Variants in STK32B observed in about 807,000 individuals in gnomAD.
The protein encoded by STK32B is serine/threonine kinase 32B.
In STK32B, 43 loss-of-function variants were observed where a neutral mutation model predicts 52.6. The ratio of observed to expected loss-of-function variants is 0.82; its 90% CI spans 0.64 to 1.05. The LOEUF (loss-of-function observed/expected upper bound fraction) is 1.05, where lower values mean the gene tolerates loss of function less well. Ranked by LOEUF, STK32B falls within the 50% of genes least tolerant of loss-of-function variation. The pLI, the probability that STK32B is intolerant of heterozygous loss-of-function variation, is 0.00. For missense variants in STK32B, 621 were observed against 534.6 expected, an observed-to-expected ratio of 1.16 and a Z score of -1.59; for synonymous variants, 238 against 204.3, an observed-to-expected ratio of 1.17 and a Z score of -1.41.
At chr4:5,260,875 G>A (rs56010417) in intron 3 of STK32B, among the ~76,000 whole-genome samples, 7,914 of 152,180 alleles carry the variant, frequency 0.052, 285 homozygotes, top group African/African-American at 0.11. Context: ...GGGAGTAGCT[G>A]GCCTTGGTGC....
intron 3 of STK32B, among the ~76,000 whole-genome samples, chr4:5,175,456 G>A (rs191721397): frequency 2.0e-5 from 3 of 152,276 alleles, no homozygotes; most frequent in Admixed American, 6.5e-5. Flanking sequence ...GGTCTTTGAC[G>A]ATGGTGATGT....
At chr4:5,322,243 T>G (rs1405009161) in intron 3 of STK32B, among the ~76,000 whole-genome samples, 1 of 152,174 alleles carries the variant, frequency 6.6e-6, no homozygotes, top group Non-Finnish European at 1.5e-5. Flanking sequence ...CTTGATAAGC[T>G]CTTTTTTCCT....
chr4:5,170,577 G>A (rs563786365), intron 3 of STK32B, among the ~76,000 whole-genome samples: 7 of 151,920 alleles, frequency 4.6e-5, no homozygotes, highest in South Asian at 2.1e-4. Context: ...TCTTGTCCTC[G>A]TGATAGTTTG....
the STK32B span, among the ~76,000 whole-genome samples, chr4:5,019,955 C>T: frequency 2.0e-5 from 3 of 152,154 alleles, no homozygotes; most frequent in South Asian, 2.1e-4. Flanking sequence ...TGCAGAGCTG[C>T]GGTCAGGCCA....
rs980593794 is a variant in STK32B at position 5,396,112 on chromosome 4, A to C, written c.435-2095A>C. ...GGGACTGCCACAGCAAATTACTGCA[A>C]AATCGGTGGCTTAAAACAATACAAA... is the stretch of plus-strand genomic sequence containing the variant. On this transcript the variant is annotated intron_variant, in intron 4 of 11. Transcript: ENST00000282908. The surrounding 1 kb of genome is among the most constrained non-coding windows in gnomAD (Gnocchi z 4.7). Among the ~76,000 whole-genome samples, 1 of 152,238 alleles carries C rather than the reference A, an allele frequency of 6.6e-6. No homozygotes were observed. The highest frequency in any genetic ancestry group is 2.4e-5 in the African/African-American group (1 of 41,460).
rs370329416 is a variant in STK32B, at chr4:5,244,628, G to A, written c.260+76178G>A. On this transcript the variant is annotated intron_variant, in intron 3 of 11. Transcript: ENST00000282908. ...TCTTGCCTTCTGCTAGCTTTTGAAT[G>A]TGTTTGCTCTTGCTTCTCTAGTTCT... Among the ~76,000 whole-genome samples the A allele has an allele frequency of 3.8e-4, 58 of 152,220 alleles. 1 individual carries two copies. In the East Asian group the frequency reaches 6.9e-3, roughly 18 times the overall value.
In STK32B at chr4:5,453,654, A is replaced by G. The variant is rs921699953; in HGVS notation, c.667-3153A>G. The stretch of plus-strand genomic sequence containing the variant: ...TGCAGTGGCTTACGTCTGTAATCCC[A>G]GCACTCTGGGAGGCTGAGACGGGCA... On this transcript the variant is annotated intron_variant, in intron 7 of 11. Transcript: ENST00000282908. The surrounding 1 kb of genome is among the most constrained non-coding windows in gnomAD (Gnocchi z 4.0). 6.6e-6 allele frequency among the ~76,000 whole-genome samples: 1 copy of G among 152,222 alleles called. No individual in the cohort carries two copies. Among genetic ancestry groups the G allele is most frequent in the Non-Finnish European group, 1.5e-5 (1 of 68,038 alleles).
chr4:5,071,076 G>A (rs1711741178), intron 1 of STK32B, among the ~76,000 whole-genome samples: 1 of 152,156 alleles, frequency 6.6e-6, no homozygotes, highest in Non-Finnish European at 1.5e-5. Context: ...AATGCTGTAT[G>A]CACAGGTTGC....
intron 3 of STK32B, among the ~76,000 whole-genome samples, chr4:5,256,526 T>A (rs1002865712): frequency 6.6e-6 from 1 of 152,212 alleles, no homozygotes; most frequent in Admixed American, 6.5e-5. Context: ...AAATGAGCTA[T>A]ATCCATCAGT....
chr4:5,431,467 T>G (rs1006899966), intron 6 of STK32B, among the ~76,000 whole-genome samples: 3 of 152,096 alleles, frequency 2.0e-5, no homozygotes, highest in African/African-American at 7.2e-5. Context: ...AATTCTGTGC[T>G]TCCAGTTAGA....
Position 5,498,990 on chromosome 4 carries a change from C to G in STK32B, c.1152C>G (p.Asp384Glu). The change falls in exon 12 of 12, where the codon GAC becomes GAG. Residue 384 changes from aspartate (D) to glutamate (E), a missense_variant. Transcript: ENST00000282908. ...QGQGSQLLDT[D>E]SRGGGQAQSK... is the part of the protein sequence containing the mutation. Reference sequence around the variant, plus strand: ...AGGGCAGCCAGCTCTTGGACACCGACAGCCGAGGGGGAGGCCAGGCCCAAA... The same window carrying G: ...AGGGCAGCCAGCTCTTGGACACCGAGAGCCGAGGGGGAGGCCAGGCCCAAA... 6.2e-7 allele frequency: 1 copy of G among 1,613,840 alleles called. No individual in the cohort carries two copies. Among genetic ancestry groups the G allele is most frequent in the South Asian group, 1.1e-5 (1 of 91,030 alleles).
chr4:5,289,685 ATTTTTTTTT>A (rs56211807), intron 3 of STK32B, among the ~76,000 whole-genome samples: 14,683 of 86,938 alleles, frequency 0.17, 2,058 homozygotes, highest in African/African-American at 0.47. Context: ...TGCCCGGCTA[ATTTTTTTTT>A]TTTTTTTTTT....
chr4:5,387,113 A>G (rs905311437), intron 4 of STK32B, among the ~76,000 whole-genome samples: 5 of 152,196 alleles, frequency 3.3e-5, no homozygotes, highest in Non-Finnish European at 1.5e-5. Context: ...GGGGGTCACA[A>G]TTAACTATGA....
chr4:5,112,995 A>G (rs1714488238), intron 1 of STK32B, among the ~76,000 whole-genome samples: 1 of 152,198 alleles, frequency 6.6e-6, no homozygotes, highest in African/African-American at 2.4e-5. Flanking sequence ...GAGACTGACA[A>G]TAACCAAAGA....
intron 3 of STK32B, among the ~76,000 whole-genome samples, chr4:5,219,723 C>T (rs1404972935): frequency 6.6e-6 from 1 of 152,214 alleles, no homozygotes; most frequent in Admixed American, 6.5e-5. Context: ...TCATTGACAG[C>T]GGGGCTTCAG....
intron 3 of STK32B, among the ~76,000 whole-genome samples, chr4:5,174,644 G>T (rs1386656884): frequency 1.3e-5 from 2 of 152,160 alleles, no homozygotes; most frequent in African/African-American, 4.8e-5. Flanking sequence ...CTCTCTTCTG[G>T]CTTGTAGAGT....
At chr4:5,315,629 G>A (rs904672818) in intron 3 of STK32B, among the ~76,000 whole-genome samples, 1 of 151,510 alleles carries the variant, frequency 6.6e-6, no homozygotes, top group Non-Finnish European at 1.5e-5. Flanking sequence ...AGTAGATGAA[G>A]GAAGGAATAG....
At chr4:5,462,662 C>T (rs1166064008) in intron 9 of STK32B, among the ~76,000 whole-genome samples, 1 of 152,192 alleles carries the variant, frequency 6.6e-6, no homozygotes, top group African/African-American at 2.4e-5. Flanking sequence ...TTACAGACAA[C>T]AGTGCACAGC....
chr4:5,264,736 A>G lies in STK32B; in HGVS notation c.261-66484A>G, dbSNP rs752249536. 2.6e-5 allele frequency among the ~76,000 whole-genome samples: 4 copies of G among 152,076 alleles called. 1 individual carries two copies. The highest frequency in any genetic ancestry group is 3.2e-3 in the Middle Eastern group (1 of 316). ...CAGGAGGCGGAGCTTGCAGTGAGCC[A>G]AGATTGCGCCACTGCACTCCAGCCT... On this transcript the variant is annotated intron_variant, in intron 3 of 11. Transcript: ENST00000282908.
Sources: allele counts gnomAD v4.1 joint callset (sites outside exome capture counted in the v4.1 genomes callset), GRCh38; gene constraint gnomAD v4.1.1; non-coding constraint Gnocchi (gnomAD v3.1); transcripts MANE v1.5; gene names NCBI Gene and HGNC (gene_info 2026-07-23, HGNC 2026-07-21).